The following RNLS variants were observed in gnomAD, a reference collection of about 807,000 sequenced individuals.
The protein encoded by RNLS is renalase, FAD dependent amine oxidase.
A neutral mutation model predicts 39.8 loss-of-function variants in RNLS; 39 were observed. That is an observed-to-expected ratio of 0.98 (90% confidence interval 0.76 to 1.28). The LOEUF (loss-of-function observed/expected upper bound fraction) is 1.28, where lower values mean the gene tolerates loss of function less well. Among genes scored for constraint, RNLS ranks in the 50% most tolerant of loss-of-function variants. RNLS has a pLI of 0.00. For synonymous variants in RNLS, 147 were observed against 150.7 expected, an observed-to-expected ratio of 0.98 and a Z score of 0.18; for missense variants, 410 against 413.3, an observed-to-expected ratio of 0.99 and a Z score of 0.07.
intron 4 of RNLS, among the ~76,000 whole-genome samples, chr10:88,512,376 T>C (rs180954940): frequency 6.6e-6 from 1 of 152,260 alleles, no homozygotes; most frequent in African/African-American, 2.4e-5. Context: ...ATCTTCTTCA[T>C]AGGTCTATAA....
intron 4 of RNLS, among the ~76,000 whole-genome samples, chr10:88,552,086 A>G (rs533996470): frequency 6.6e-6 from 1 of 152,306 alleles, no homozygotes; most frequent in African/African-American, 2.4e-5. Flanking sequence ...GCTTTAACAC[A>G]TTATCTTATT....
intron 4 of RNLS, among the ~76,000 whole-genome samples, chr10:88,396,173 C>T (rs1468986704): frequency 2.0e-5 from 3 of 151,982 alleles, no homozygotes; most frequent in Non-Finnish European, 2.9e-5. Context: ...GGTAAAGATA[C>T]CTAAAAAGTA....
chr10:88,177,625 C>A, the RNLS span, among the ~76,000 whole-genome samples: 1 of 151,814 alleles, frequency 6.6e-6, no homozygotes, highest in African/African-American at 2.4e-5. Context: ...TATTTTTTTC[C>A]TTTGTAAGTG....
chr10:88,523,246 A>G (rs1846868202), intron 4 of RNLS, among the ~76,000 whole-genome samples: 1 of 152,134 alleles, frequency 6.6e-6, no homozygotes, highest in Non-Finnish European at 1.5e-5. Context: ...CCTTAAATAA[A>G]ATAATGCTAT....
chr10:88,336,511 A>C (rs920070124), intron 5 of RNLS, among the ~76,000 whole-genome samples: 8 of 152,202 alleles, frequency 5.3e-5, no homozygotes, highest in Admixed American at 1.3e-4. Context: ...CCACACGATG[A>C]ATTGAAAATA....
chr10:88,439,941 T>G (rs1028737228), intron 4 of RNLS, among the ~76,000 whole-genome samples: 1 of 152,216 alleles, frequency 6.6e-6, no homozygotes, highest in African/African-American at 2.4e-5. Flanking sequence ...TAAGAAGTAA[T>G]CAAGGCTGTT....
chr10:88,253,836 G>A, the RNLS span, among the ~76,000 whole-genome samples: 13 of 152,082 alleles, frequency 8.5e-5, no homozygotes, highest in African/African-American at 1.4e-4. Context: ...CCCCTGGGGC[G>A]TGGACCTCAG....
At position 88,524,956 on chromosome 10, in the gene RNLS, C is replaced by CACACACACACATAT. The variant is rs768939981; in HGVS notation, c.526+47946_526+47947insATATGTGTGTGTGT. ...CATATATATATATATATGGCACACACATACATATATATATATATATATATA... is the reference window on the plus strand; with the variant it reads ...CATATATATATATATATGGCACACACACACACACACATATATACATATATATATATATATATATA... On this transcript the variant is annotated intron_variant, in intron 4 of 6. Transcript: ENST00000331772. 1.6e-3 allele frequency among the ~76,000 whole-genome samples: 123 copies of CACACACACACATAT among 76,270 alleles called. 8 individuals carry two copies. The highest frequency in any genetic ancestry group is 3.1e-3 in the African/African-American group (67 of 21,926). The allele number at this position is 76,270 out of a possible 152,430, so 50.0% of individuals were successfully genotyped here. A position where few individuals can be genotyped will look rare whatever the true frequency, so the allele number is the denominator to read the frequency against.
intron 4 of RNLS, among the ~76,000 whole-genome samples, chr10:88,433,168 T>C (rs1225034268): frequency 2.6e-5 from 4 of 152,092 alleles, no homozygotes; most frequent in African/African-American, 9.7e-5. Context: ...ACAGGTCTGA[T>C]GACTTGAGGT....
At chr10:88,566,498 T>G (rs1008765275) in intron 4 of RNLS, among the ~76,000 whole-genome samples, 4 of 151,944 alleles carry the variant, frequency 2.6e-5, no homozygotes, top group African/African-American at 9.7e-5. Context: ...ACCTAAGAAA[T>G]GAGCTGATGA....
chr10:88,303,833 G>A (rs1036056898), intron 6 of RNLS, among the ~76,000 whole-genome samples: 12 of 152,268 alleles, frequency 7.9e-5, no homozygotes, highest in African/African-American at 2.6e-4. Flanking sequence ...GTGCCAGCCA[G>A]CACCCTGCCC....
intron 4 of RNLS, among the ~76,000 whole-genome samples, chr10:88,568,521 G>GTTGTT (rs971248558): frequency 2.6e-5 from 4 of 152,096 alleles, no homozygotes; most frequent in East Asian, 3.9e-4. Context: ...GTGTGTCGTT[G>GTTGTT]TTGTTTTGTT....
chr10:88,239,091 A>C, the RNLS span, among the ~76,000 whole-genome samples: 1 of 151,964 alleles, frequency 6.6e-6, no homozygotes, highest in Non-Finnish European at 1.5e-5. Flanking sequence ...ATAAATATCA[A>C]CGAATTGCTT....
At chr10:88,243,261 G>A in the RNLS span, among the ~76,000 whole-genome samples, 1 of 152,200 alleles carries the variant, frequency 6.6e-6, no homozygotes, top group South Asian at 2.1e-4. Flanking sequence ...TATTACTGAG[G>A]CATTCAATGT....
At chr10:88,362,042 T>A (rs1440695179) in intron 5 of RNLS, among the ~76,000 whole-genome samples, 1 of 152,174 alleles carries the variant, frequency 6.6e-6, no homozygotes, top group East Asian at 1.9e-4. Context: ...CGTTACATTG[T>A]TTATAAAGTA....
At chr10:88,202,394 C>T in the RNLS span, among the ~76,000 whole-genome samples, 1 of 152,022 alleles carries the variant, frequency 6.6e-6, no homozygotes, top group Non-Finnish European at 1.5e-5. Context: ...CACACGCATA[C>T]ATATGTAACA....
the RNLS span, among the ~76,000 whole-genome samples, chr10:88,250,248 GA>G: frequency 6.6e-6 from 1 of 152,152 alleles, no homozygotes; most frequent in African/African-American, 2.4e-5. Context: ...CACATGTCTA[GA>G]ACACAGCAGA....
the RNLS span, among the ~76,000 whole-genome samples, chr10:88,206,153 C>T: frequency 2.4e-3 from 368 of 152,262 alleles, 4 homozygotes; most frequent in African/African-American, 8.2e-3. Flanking sequence ...TGCTGAAGCC[C>T]GTCTTTCCTT....
At chr10:88,476,823 C>T (rs976328945) in intron 4 of RNLS, among the ~76,000 whole-genome samples, 30 of 152,130 alleles carry the variant, frequency 2.0e-4, no homozygotes, top group Admixed American at 1.9e-3. Context: ...GCCTGTTTTC[C>T]ACTCTTCATT....
Sources: gnomAD v4.1 joint callset for allele counts (sites outside exome capture counted in the v4.1 genomes callset) on GRCh38, gnomAD v4.1.1 for gene constraint, MANE v1.5 for transcripts, NCBI Gene and HGNC (gene_info 2026-07-23, HGNC 2026-07-21) for gene names.